Variants in TMEM123 observed in about 807,000 individuals in gnomAD.
TMEM123 encodes transmembrane protein 123.
A neutral mutation model predicts 19.7 loss-of-function variants in TMEM123; 16 were observed. The ratio of observed to expected loss-of-function variants is 0.81; its 90% CI spans 0.55 to 1.23. The LOEUF (loss-of-function observed/expected upper bound fraction) is 1.23. Ranked by LOEUF, TMEM123 falls within the 50% of genes most tolerant of loss-of-function variation. The pLI, the probability that TMEM123 is intolerant of heterozygous loss-of-function variation, is 0.00. For missense variants in TMEM123, 313 were observed against 257.8 expected (o/e 1.21, Z -1.47); for synonymous variants, 118 against 99.4 (o/e 1.19, Z -1.12).
intron 2 of TMEM123, among the ~76,000 whole-genome samples, chr11:102,425,583 C>CTTTTTTTTT (rs1167174586): frequency 2.3e-4 from 25 of 107,918 alleles, no homozygotes; most frequent in Non-Finnish European, 3.5e-4. Flanking sequence ...TTTCTTTTTT[C>CTTTTTTTTT]TTTTTTTTTT....
rs1403568366 is a variant in TMEM123, at chr11:102,398,572, T to C, written c.*295A>G. 3 of 501,428 alleles carry C rather than the reference T, an allele frequency of 6.0e-6. No individual in the cohort carries two copies. Among genetic ancestry groups the C allele is most frequent in the East Asian group, 3.4e-5 (1 of 29,186 alleles). The allele number at this position is 501,428 out of a possible 1,614,324, so 31.1% of individuals were successfully genotyped here. On this transcript the variant is annotated 3_prime_UTR_variant, in exon 5 of 5. Coordinates refer to ENST00000398136, the MANE Select transcript of TMEM123 (RefSeq NM_052932.3). ...TGACGTCTTTCAATTACTGGTCATA[T>C]GTGACCAATGCCCCCACCCCAGCCA... is the stretch of plus-strand genomic sequence containing the variant.
At chr11:102,400,118 AATCT>A (rs778370039) in intron 4 of TMEM123, among the ~76,000 whole-genome samples, 9 of 152,232 alleles carry the variant, frequency 5.9e-5, no homozygotes, top group African/African-American at 9.7e-5. Flanking sequence ...ATGTTCTTAA[AATCT>A]ATCAAGAAGT....
At chr11:102,401,497 CCAA>C (rs1305855873) in intron 4 of TMEM123, 39 bp downstream of exon 4, 3 of 1,509,586 alleles carry the variant, frequency 2.0e-6, no homozygotes, top group Non-Finnish European at 2.6e-6. Context: ...AAGATGTGCA[CCAA>C]CAATTTTTTT....
At chr11:102,402,251 G>A in intron 2 of TMEM123, 45 bp from the exon 3 acceptor site, 1 of 1,578,578 alleles carries the variant, frequency 6.3e-7, no homozygotes, top group Non-Finnish European at 8.6e-7. Context: ...TATGATTTAG[G>A]GAATAAGATC....
chr11:102,419,112 CAT>C lies in TMEM123; in HGVS notation c.158-16908_158-16907del, dbSNP rs201201486. On this transcript the variant is annotated intron_variant, in intron 2 of 4. Transcript: ENST00000398136. ...TAATCTGTACACCAAACCCGTCACACATGATTTACCCATGTAACAAATCTGCA... is the reference window on the plus strand; with the variant it reads ...TAATCTGTACACCAAACCCGTCACACGATTTACCCATGTAACAAATCTGCA... Among the ~76,000 whole-genome samples, 1,217 of 152,290 alleles carry C rather than the reference CAT, an allele frequency of 8.0e-3. 17 individuals are homozygous for C. Among genetic ancestry groups the C allele is most frequent in the African/African-American group, 0.028 (1,145 of 41,556 alleles).
chr11:102,452,221 G>T, intron 1 of TMEM123: 1 of 290,168 alleles, frequency 3.4e-6, no homozygotes, highest in Non-Finnish European at 6.4e-6. Context: ...TCAGGGAAAG[G>T]CTGTAAAAAC....
intron 1 of TMEM123, among the ~76,000 whole-genome samples, chr11:102,450,920 A>C (rs1857931724): frequency 6.6e-6 from 1 of 152,246 alleles, no homozygotes; most frequent in African/African-American, 2.4e-5. Context: ...ATACATGAAG[A>C]CTACGATTAA....
At chr11:102,420,649 C>T (rs895719954) in intron 2 of TMEM123, among the ~76,000 whole-genome samples, 1 of 152,166 alleles carries the variant, frequency 6.6e-6, no homozygotes, top group African/African-American at 2.4e-5. Context: ...CACTTCATCA[C>T]TATTAGGCTG....
At chr11:102,428,075 T>G (rs1430916705) in intron 2 of TMEM123, among the ~76,000 whole-genome samples, 4 of 152,160 alleles carry the variant, frequency 2.6e-5, no homozygotes, top group Non-Finnish European at 4.4e-5. Context: ...GCATGGAGTC[T>G]AGAGAGGTCT....
chr11:102,448,822 A>G lies in TMEM123; in HGVS notation c.147T>C (p.Ala49=). 6.2e-7 allele frequency: 1 copy of G among 1,613,750 alleles called. No homozygotes were observed. The highest frequency in any genetic ancestry group is 8.5e-7 in the Non-Finnish European group (1 of 1,179,788). The change falls in exon 2 of 5, where the codon GCT becomes GCC. Residue 49 remains alanine (A), a synonymous_variant. Transcript: ENST00000398136. ...TCTTTTAAAACTCACCTGTTGAGTT[A>G]GCACTGGAGTTGTGTGGAAGCCCAG... ...ENSGLPHNSS[A]NSTETLQHVP...
intron 2 of TMEM123, among the ~76,000 whole-genome samples, chr11:102,442,397 C>A (rs1857836654): frequency 6.6e-6 from 1 of 152,170 alleles, no homozygotes; most frequent in Non-Finnish European, 1.5e-5. Context: ...TCAACACATG[C>A]AAATCAATAA....
intron 2 of TMEM123, among the ~76,000 whole-genome samples, chr11:102,410,439 C>T (rs781141495): frequency 1.3e-5 from 2 of 151,630 alleles, no homozygotes; most frequent in East Asian, 1.9e-4. Flanking sequence ...GGCTTCCTTA[C>T]GCTTTTCCCA....
intron 2 of TMEM123, among the ~76,000 whole-genome samples, chr11:102,426,473 T>C (rs1187257977): frequency 4.0e-5 from 6 of 151,466 alleles, no homozygotes; most frequent in African/African-American, 9.7e-5. Context: ...TTTTAAGTGA[T>C]GGTGTCTCGC....
At chr11:102,417,521 G>GA (rs1952051710) in intron 2 of TMEM123, among the ~76,000 whole-genome samples, 1 of 152,064 alleles carries the variant, frequency 6.6e-6, no homozygotes, top group South Asian at 2.1e-4. Flanking sequence ...AACACAAATA[G>GA]AAAACCATTC....
intron 2 of TMEM123, among the ~76,000 whole-genome samples, chr11:102,436,220 T>G (rs941560326): frequency 6.6e-6 from 1 of 152,028 alleles, no homozygotes; most frequent in Admixed American, 6.6e-5. Context: ...TGCAGTGCAG[T>G]GGAATGATCT....
intron 1 of TMEM123, 97 bp downstream of exon 1, chr11:102,452,427 C>CG: frequency 9.2e-7 from 1 of 1,083,042 alleles, no homozygotes; most frequent in South Asian, 2.2e-5. Context: ...GCCAGACACA[C>CG]GCGGAACTTT....
Position 102,402,153 on chromosome 11 carries a change from C to T in TMEM123, c.211G>A (p.Val71Met), listed in dbSNP as rs2155587. 153,957 of 1,613,950 alleles carry T rather than the reference C, an allele frequency of 0.095. 8,293 individuals are homozygous for T. Among genetic ancestry groups the T allele is most frequent in the Admixed American group, 0.16 (9,583 of 59,992 alleles). ...GAGGCAACTGAAGTTGGTGGTTTCA[C>T]AGTACTGTTGGAAGTTTCATTTGTA... ...DHTNETSNST[V>M]KPPTSVASDS... is the part of the protein sequence containing the mutation. Residue 71 changes from valine to methionine, a missense_variant, in exon 3 of 5, where the codon GTG (valine) becomes ATG (methionine). Transcript: ENST00000398136.
intron 2 of TMEM123, among the ~76,000 whole-genome samples, chr11:102,411,216 G>A (rs1176775624): frequency 6.6e-6 from 1 of 152,126 alleles, no homozygotes; most frequent in Non-Finnish European, 1.5e-5. Context: ...CTTTGGGAAA[G>A]CTAGAAATTA....
intron 2 of TMEM123, among the ~76,000 whole-genome samples, chr11:102,433,711 A>C (rs1300037998): frequency 1.3e-5 from 2 of 151,778 alleles, no homozygotes; most frequent in African/African-American, 4.8e-5. Context: ...CTTGAATTGT[A>C]ATCTCCATAA....
Sources: gnomAD v4.1 joint callset for allele counts (sites outside exome capture counted in the v4.1 genomes callset) on GRCh38, gnomAD v4.1.1 for gene constraint, MANE v1.5 for transcripts, NCBI Gene and HGNC (gene_info 2026-07-23, HGNC 2026-07-21) for gene names.